TRABD2A: variants seen among roughly 807,000 people sequenced by gnomAD.
TRABD2A encodes metalloprotease TIKI1.
Under a neutral mutation model 45.6 loss-of-function variants are expected in TRABD2A, and 43 were observed. That is an observed-to-expected ratio of 0.94 (90% CI 0.74 to 1.22). The LOEUF is 1.22. Among genes scored for constraint, TRABD2A ranks in the 50% most tolerant of loss-of-function variants. The pLI, the probability that TRABD2A is intolerant of heterozygous loss-of-function variation, is 0.00. For synonymous variants in TRABD2A, 269 were observed against 265.0 expected (o/e 1.02, Z -0.15); for missense variants, 642 against 652.4 (o/e 0.98, Z 0.17).
chr2:84,850,912 T>A (rs1335371599), intron 2 of TRABD2A: 1 of 152,384 alleles, frequency 6.6e-6, no homozygotes, highest in East Asian at 1.9e-4. Context: ...GTGAAAAGCC[T>A]GCTGGATGTG....
In TRABD2A at chr2:84,870,538, A is replaced by C. The variant is rs1273035970; in HGVS notation, c.356T>G (p.Ile119Ser). The C allele has an allele frequency of 6.2e-7, 1 of 1,614,006 alleles. No homozygotes were observed. Among genetic ancestry groups the C allele is most frequent in the Non-Finnish European group, 8.5e-7 (1 of 1,179,880 alleles). The change falls in exon 2 of 7, where the codon ATC becomes AGC. Residue 119 changes from isoleucine to serine, a missense_variant. Physicochemically the swap from Ile to Ser is moderately radical, Grantham distance 142. Transcript: ENST00000409520. Reference sequence around the variant, plus strand: ...CAGGTGGCGCTTGAGGCGGCAGTAGATGTCCCTGGGGAGCACATCTTGGAG... The same window carrying C: ...CAGGTGGCGCTTGAGGCGGCAGTAGCTGTCCCTGGGGAGCACATCTTGGAG... ...ENLQDVLPRD[I>S]YCRLKRHLEY...
chr2:84,878,088 G>A (rs757906350), intron 1 of TRABD2A, among the ~76,000 whole-genome samples: 1 of 152,310 alleles, frequency 6.6e-6, no homozygotes, highest in Admixed American at 6.5e-5. Flanking sequence ...AGATGGTAGT[G>A]GTGGCAGCAG....
intron 2 of TRABD2A, among the ~76,000 whole-genome samples, chr2:84,846,517 A>G (rs2162568): frequency 6.6e-6 from 1 of 152,218 alleles, no homozygotes; most frequent in Non-Finnish European, 1.5e-5. Context: ...GAGAAGAGCA[A>G]GGATCCTGCC....
intron 2 of TRABD2A, among the ~76,000 whole-genome samples, chr2:84,858,617 A>G (rs926536862): frequency 1.3e-5 from 2 of 152,182 alleles, no homozygotes; most frequent in Non-Finnish European, 2.9e-5. Flanking sequence ...ACCCCACCAC[A>G]GGGATGTCTG....
intron 2 of TRABD2A, among the ~76,000 whole-genome samples, chr2:84,846,776 G>A (rs1355932698): frequency 6.6e-6 from 1 of 152,264 alleles, no homozygotes; most frequent in Non-Finnish European, 1.5e-5. Flanking sequence ...ACTCCTTGGA[G>A]AAAGACCCAA....
chr2:84,860,476 G>A (rs1381700128), intron 2 of TRABD2A, among the ~76,000 whole-genome samples: 8 of 152,210 alleles, frequency 5.3e-5, no homozygotes, highest in East Asian at 3.8e-4. Context: ...CAGCCTTGCC[G>A]ACACTAGAAA....
chr2:84,856,732 G>A (rs1372510908), intron 2 of TRABD2A, among the ~76,000 whole-genome samples: 2 of 151,962 alleles, frequency 1.3e-5, no homozygotes, highest in African/African-American at 2.4e-5. Flanking sequence ...GCTCGCTTTG[G>A]TCACATCTCC....
intron 4 of TRABD2A, chr2:84,838,091 A>G (rs1181083147): frequency 3.3e-6 from 2 of 609,782 alleles, no homozygotes; most frequent in Non-Finnish European, 6.0e-6. Flanking sequence ...AATTTCAGGG[A>G]ACTATTGGAC....
At chr2:84,836,151 G>A (rs1050105085) in intron 4 of TRABD2A, 1 of 152,206 alleles carries the variant, frequency 6.6e-6, no homozygotes, top group African/African-American at 2.4e-5. Context: ...ACTCAGACAT[G>A]ATAGAGATTC....
At chr2:84,823,900 C>A in intron 6 of TRABD2A, 53 bp downstream of exon 6, 1 of 1,596,420 alleles carries the variant, frequency 6.3e-7, no homozygotes, top group South Asian at 1.1e-5. Flanking sequence ...ATTCCTGGGT[C>A]CGCTCACTAG....
intron 1 of TRABD2A, among the ~76,000 whole-genome samples, chr2:84,876,359 A>G (rs1683025699): frequency 7.6e-6 from 1 of 132,148 alleles, no homozygotes; most frequent in South Asian, 2.4e-4. Flanking sequence ...TGGGGAAAGA[A>G]GAGCAGCTAG....
In TRABD2A at chr2:84,822,042, G is replaced by A. The variant is rs773762140; in HGVS notation, c.1393C>T (p.Arg465Trp). ...VLDRHISTEL[R>W]LPRRGHSHHS... is the part of the protein sequence containing the mutation. ...TGGGAATGCCCACGGCGAGGGAGCCGCAGTTCAGTGGAGATGTGCCTGTCC... is the reference window on the plus strand; with the variant it reads ...TGGGAATGCCCACGGCGAGGGAGCCACAGTTCAGTGGAGATGTGCCTGTCC... Residue 465 changes from arginine (R) to tryptophan (W), a missense_variant, in exon 7 of 7, where the codon CGG (arginine) becomes TGG (tryptophan). Physicochemically the swap from Arg to Trp is moderately radical, Grantham distance 101 (BLOSUM62 -3). Coordinates refer to ENST00000409520, the MANE Select transcript of TRABD2A (RefSeq NM_001277053.2). 1.8e-5 allele frequency: 29 copies of A among 1,590,140 alleles called. No homozygotes were observed. The highest frequency in any genetic ancestry group is 1.7e-4 in the Middle Eastern group (1 of 5,976).
chr2:84,838,918 G>C (rs1437336243), intron 4 of TRABD2A: 1 of 507,470 alleles, frequency 2.0e-6, no homozygotes, highest in African/African-American at 1.9e-5. Flanking sequence ...TGTGTGGAGA[G>C]AGCTATGGGT....
intron 1 of TRABD2A, among the ~76,000 whole-genome samples, chr2:84,877,386 A>G (rs1683060821): frequency 6.6e-6 from 1 of 152,210 alleles, no homozygotes; most frequent in South Asian, 2.1e-4. Context: ...GGTGGTTTAA[A>G]AGAAAAAAAA....
At position 84,822,067 on chromosome 2, in the gene TRABD2A, C is replaced by T; in HGVS notation, c.1368G>A (p.Leu456=). ...DIVPQLQVPV[L]DRHISTELRL... is the part of the protein sequence containing the mutation. ...GCAGTTCAGTGGAGATGTGCCTGTCCAGGACAGGGACCTGGAGTTGCGGGA... is the reference window on the plus strand; with the variant it reads ...GCAGTTCAGTGGAGATGTGCCTGTCTAGGACAGGGACCTGGAGTTGCGGGA... Residue 456 remains leucine, a synonymous_variant, in exon 7 of 7, where the codon CTG becomes CTA. Coordinates refer to ENST00000409520, the MANE Select transcript of TRABD2A (RefSeq NM_001277053.2). 6.3e-7 allele frequency: 1 copy of T among 1,587,716 alleles called. No individual in the cohort carries two copies. The highest frequency in any genetic ancestry group is 8.6e-7 in the Non-Finnish European group (1 of 1,167,130).
intron 2 of TRABD2A, chr2:84,849,628 A>G (rs1682015876): frequency 1.3e-5 from 2 of 152,358 alleles, no homozygotes; most frequent in South Asian, 4.2e-4. Flanking sequence ...CCCCCAGGTG[A>G]CTGCAATACA....
At chr2:84,837,755 C>G (rs891990895) in intron 4 of TRABD2A, 1 of 153,258 alleles carries the variant, frequency 6.5e-6, no homozygotes, top group African/African-American at 2.4e-5. Context: ...TTTGCCTTAG[C>G]TTTCACACTC....
intron 2 of TRABD2A, among the ~76,000 whole-genome samples, chr2:84,864,454 G>A (rs188518241): frequency 1.2e-4 from 19 of 152,174 alleles, no homozygotes; most frequent in African/African-American, 2.9e-4. Context: ...CTCTTCTTCC[G>A]CCTTTTGAAC....
At position 84,821,882 on chromosome 2, in the gene TRABD2A, G is replaced by A. The variant is rs369279325; in HGVS notation, c.*35C>T. 1.6e-4 allele frequency: 249 copies of A among 1,520,000 alleles called. No homozygotes were observed. Among genetic ancestry groups the A allele is most frequent in the Middle Eastern group, 3.5e-4 (2 of 5,638 alleles). The allele number at this position is 1,520,000 out of a possible 1,614,324, so 94.2% of individuals were successfully genotyped here. A position where few individuals can be genotyped will look rare whatever the true frequency, so the allele number is the denominator to read the frequency against. ...ACAGGAATGGCCATTCTTCAAGTCC[G>A]AGGGGTCAGGTTCTTAGCCTGGTGC... is the stretch of plus-strand genomic sequence containing the variant. On this transcript the variant is annotated 3_prime_UTR_variant, in exon 7 of 7. Transcript: ENST00000409520.
Sources: allele counts gnomAD v4.1 joint callset (sites outside exome capture counted in the v4.1 genomes callset), GRCh38; gene constraint gnomAD v4.1.1; transcripts MANE v1.5; gene names NCBI Gene and HGNC (gene_info 2026-07-23, HGNC 2026-07-21).